Variants in LRRC8C observed in about 807,000 individuals in gnomAD.
LRRC8C encodes the protein volume-regulated anion channel subunit LRRC8C.
LRRC8C carries 20 observed loss-of-function variants against 55.3 expected under a neutral mutation model. The observed-to-expected ratio is 0.36, with a 90% confidence interval of 0.25 to 0.53. The LOEUF (loss-of-function observed/expected upper bound fraction) is 0.53. Ranked by LOEUF, LRRC8C falls within the 20% of genes least tolerant of loss-of-function variation. LRRC8C has a pLI of 0.92. For missense variants in LRRC8C, 659 were observed against 951.4 expected, an observed-to-expected ratio of 0.69 and a Z score of 4.04; for synonymous variants, 376 against 360.7, an observed-to-expected ratio of 1.04 and a Z score of -0.48.
At chr1:89,686,340 A>G (rs932381965) in intron 1 of LRRC8C, 130 bp from the exon 2 acceptor site, 3 of 871,364 alleles carry the variant, frequency 3.4e-6, no homozygotes, top group Non-Finnish European at 5.2e-6. Context: ...TCATCAAAAC[A>G]TTGATGTGTC....
chr1:89,644,325 C>T (rs1200323601), intron 1 of LRRC8C, among the ~76,000 whole-genome samples: 2 of 152,312 alleles, frequency 1.3e-5, no homozygotes, highest in African/African-American at 2.4e-5. Context: ...CAGGCACGTG[C>T]CACCGCACCC....
At chr1:89,630,044 C>A (rs1433214226), upstream of LRRC8C, among the ~76,000 whole-genome samples, 2 of 152,124 alleles carry the variant, frequency 1.3e-5, no homozygotes, top group Non-Finnish European at 2.9e-5. Flanking sequence ...GTGGCGGGCA[C>A]CTGTAATCCC....
the LRRC8C span, among the ~76,000 whole-genome samples, chr1:89,620,346 AG>A: frequency 6.6e-6 from 1 of 152,230 alleles, no homozygotes; most frequent in Admixed American, 6.5e-5. Context: ...AAGCATTTAC[AG>A]AAAAGAAAGT....
chr1:89,714,512 A>G lies in LRRC8C; in HGVS notation c.1942A>G (p.Ser648Gly). 2 of 1,614,252 alleles carry G rather than the reference A, an allele frequency of 1.2e-6. No individual in the cohort carries two copies. Among genetic ancestry groups the G allele is most frequent in the Non-Finnish European group, 1.7e-6 (2 of 1,180,034 alleles). ...GACAGTGCTAAAACTGTGGCATAAC[A>G]GCATCACCTACATCCCAGAGCATAT... ...KLTVLKLWHNSITYIPEHIKK... is the reference protein window; with the variant it reads ...KLTVLKLWHNGITYIPEHIKK... The change falls in exon 3 of 3, where the codon AGC (serine) becomes GGC (glycine). Residue 648 changes from serine (S) to glycine (G), a missense_variant. Around this residue, in one of 5 missense-constraint regions of LRRC8C, gnomAD observed 344 missense variants for 464.6 expected, o/e 0.74. Transcript: ENST00000370454. This position sits in a 1 kb window ranked among gnomAD's most constrained non-coding sequence, Gnocchi z 4.6.
intron 1 of LRRC8C, among the ~76,000 whole-genome samples, chr1:89,659,576 GAGGTGGGGT>G (rs1213100878): frequency 6.6e-6 from 1 of 152,180 alleles, no homozygotes; most frequent in Non-Finnish European, 1.5e-5. Flanking sequence ...TGTTATGATG[GAGGTGGGGT>G]TTTCCTTTAT....
At chr1:89,696,597 A>G (rs1381759590) in intron 2 of LRRC8C, among the ~76,000 whole-genome samples, 1 of 152,154 alleles carries the variant, frequency 6.6e-6, no homozygotes, top group Non-Finnish European at 1.5e-5. Context: ...GCTACCATCA[A>G]CTTCCCAGAG....
intron 1 of LRRC8C, among the ~76,000 whole-genome samples, chr1:89,638,059 A>G (rs1285445092): frequency 6.6e-6 from 1 of 152,204 alleles, no homozygotes; most frequent in African/African-American, 2.4e-5. Context: ...TTTAAGAAAA[A>G]TGTTAAAGCT....
chr1:89,679,554 C>CA (rs760538325), intron 1 of LRRC8C, among the ~76,000 whole-genome samples: 2 of 151,774 alleles, frequency 1.3e-5, no homozygotes, highest in African/African-American at 4.8e-5. Flanking sequence ...ACCCTGTCTC[C>CA]AAAAAAACAA....
the LRRC8C span, among the ~76,000 whole-genome samples, chr1:89,621,212 A>G: frequency 4.2e-3 from 631 of 151,628 alleles, 7 homozygotes; most frequent in South Asian, 0.04. Context: ...TGTAATCCCA[A>G]CACTTTGGGA....
At position 89,713,702 on chromosome 1, in the gene LRRC8C, G is replaced by A. The variant is rs2101363014; in HGVS notation, c.1132G>A (p.Asp378Asn). ...CTTTGCTTTTATGCTTCATATGATAGATCAGTATGACCCTCTCTATTCCAA... is the reference window on the plus strand; with the variant it reads ...CTTTGCTTTTATGCTTCATATGATAAATCAGTATGACCCTCTCTATTCCAA... ...NDFAFMLHMI[D>N]QYDPLYSKRF... is the part of the protein sequence containing the mutation. The change falls in exon 3 of 3, where the codon GAT becomes AAT. Residue 378 changes from aspartate to asparagine, a missense_variant. This residue lies in a region of LRRC8C where 200 missense variants were observed against 360.5 expected (regional missense o/e 0.55). Transcript: ENST00000370454. This position sits in a 1 kb window ranked among gnomAD's most constrained non-coding sequence, Gnocchi z 5.2. 2 of 1,614,174 alleles carry A rather than the reference G, an allele frequency of 1.2e-6. No homozygotes were observed. The highest frequency in any genetic ancestry group is 1.7e-6 in the Non-Finnish European group (2 of 1,180,032).
intron 1 of LRRC8C, among the ~76,000 whole-genome samples, chr1:89,659,797 T>C (rs1397989984): frequency 6.6e-6 from 1 of 152,170 alleles, no homozygotes; most frequent in Non-Finnish European, 1.5e-5. Flanking sequence ...ACATGTGGAC[T>C]AGCTCTGTGT....
rs929685658 is a variant in LRRC8C, at chr1:89,651,497, G to A, written c.-5+18175G>A. Among the ~76,000 whole-genome samples, 4 of 149,426 alleles carry A rather than the reference G, an allele frequency of 2.7e-5. No homozygotes were observed. The Admixed American group carries it at 2.7e-4, about 10-fold the overall frequency. On this transcript the variant is annotated intron_variant, in intron 1 of 2. Coordinates refer to ENST00000370454, the MANE Select transcript of LRRC8C (RefSeq NM_032270.5). ...GCAGGAGAATGGCATGAACCTGGGA[G>A]GTGGAGCTTACAGTGAGCTGAGATC...
At chr1:89,658,075 T>TCTTTATATATAAGGAAAC (rs1657000460) in intron 1 of LRRC8C, among the ~76,000 whole-genome samples, 1 of 152,182 alleles carries the variant, frequency 6.6e-6, no homozygotes. Flanking sequence ...CAGAATAGGT[T>TCTTTATATATAAGGAAAC]CTTTATATAA....
At chr1:89,643,766 G>A (rs1183565015) in intron 1 of LRRC8C, among the ~76,000 whole-genome samples, 1 of 152,118 alleles carries the variant, frequency 6.6e-6, no homozygotes. Flanking sequence ...TAGAATACTA[G>A]ACATTTTGTG....
At chr1:89,695,722 A>T (rs1469252677) in intron 2 of LRRC8C, among the ~76,000 whole-genome samples, 1 of 152,234 alleles carries the variant, frequency 6.6e-6, no homozygotes, top group African/African-American at 2.4e-5. Flanking sequence ...GATTTAAAAA[A>T]AATAATAATT....
At chr1:89,660,866 T>C (rs1657099854) in intron 1 of LRRC8C, among the ~76,000 whole-genome samples, 1 of 152,190 alleles carries the variant, frequency 6.6e-6, no homozygotes, top group South Asian at 2.1e-4. Flanking sequence ...CATTTAACAA[T>C]GGGTTGTTTC....
the LRRC8C span, among the ~76,000 whole-genome samples, chr1:89,620,985 A>AT: frequency 6.6e-6 from 1 of 152,170 alleles, no homozygotes; most frequent in Non-Finnish European, 1.5e-5. Context: ...GTATCATACT[A>AT]TTTGTCTTCG....
At chr1:89,646,579 T>C (rs1342245461) in intron 1 of LRRC8C, among the ~76,000 whole-genome samples, 7 of 152,160 alleles carry the variant, frequency 4.6e-5, no homozygotes, top group Non-Finnish European at 1.0e-4. Flanking sequence ...CATCTAGTAA[T>C]GATAAAGATT....
At chr1:89,641,613 G>A (rs962797761) in intron 1 of LRRC8C, among the ~76,000 whole-genome samples, 1 of 152,044 alleles carries the variant, frequency 6.6e-6, no homozygotes, top group African/African-American at 2.4e-5. Context: ...TCTTGGTCAA[G>A]GAAGTCTATC....
Sources: gnomAD v4.1 joint callset for allele counts (sites outside exome capture counted in the v4.1 genomes callset) on GRCh38, gnomAD v4.1.1 for gene constraint, gnomAD v4.1.1 regional missense constraint, Gnocchi (gnomAD v3.1) non-coding constraint, MANE v1.5 for transcripts, NCBI Gene and HGNC (gene_info 2026-07-23, HGNC 2026-07-21) for gene names.